Variants in DLG2 observed in about 807,000 individuals in gnomAD.
DLG2 encodes discs large MAGUK scaffold protein 2, also known as disks large homolog 2.
Under a neutral mutation model 132.5 loss-of-function variants are expected in DLG2, and 45 were observed. That is an observed-to-expected ratio of 0.34 (90% CI 0.27 to 0.44). The LOEUF (loss-of-function observed/expected upper bound fraction) is 0.44. Ranked by LOEUF, DLG2 falls within the 20% of genes least tolerant of loss-of-function variation. The pLI, the probability that DLG2 is intolerant of heterozygous loss-of-function variation, is 1.00. For missense variants in DLG2, 1,045 were observed against 1,196.9 expected (o/e 0.87, Z 1.87); for synonymous variants, 424 against 419.6 (o/e 1.01, Z -0.13).
intron 7 of DLG2, among the ~76,000 whole-genome samples, chr11:84,425,645 CAA>C (rs2098963958): frequency 6.6e-6 from 1 of 152,010 alleles, no homozygotes; most frequent in African/African-American, 2.4e-5. Flanking sequence ...GCTGAGATAA[CAA>C]GAGACAAAAT....
chr11:85,232,247 G>A (rs2075339744), intron 4 of DLG2, among the ~76,000 whole-genome samples: 1 of 151,746 alleles, frequency 6.6e-6, no homozygotes, highest in Non-Finnish European at 1.5e-5. Flanking sequence ...TTTTTTAGTT[G>A]CCTATGGCAT....
At chr11:84,062,276 ACCACGGTGAGG>A (rs2096603387) in intron 10 of DLG2, among the ~76,000 whole-genome samples, 1 of 152,162 alleles carries the variant, frequency 6.6e-6, no homozygotes, top group African/African-American at 2.4e-5. Flanking sequence ...CATCTGTGGG[ACCACGGTGAGG>A]CCACTTTATC....
intron 14 of DLG2, among the ~76,000 whole-genome samples, chr11:83,943,853 C>T (rs1037787762): frequency 6.6e-6 from 1 of 152,192 alleles, no homozygotes; most frequent in Non-Finnish European, 1.5e-5. Flanking sequence ...TGTTCTTCCA[C>T]CTATCTGTGT....
chr11:83,463,707 C>T (rs368653649), intron 26 of DLG2, among the ~76,000 whole-genome samples: 3 of 152,340 alleles, frequency 2.0e-5, no homozygotes, highest in East Asian at 3.9e-4. Context: ...GGGAACATGG[C>T]TTGAGCCCAC....
chr11:84,830,511 G>A (rs2078898082), intron 6 of DLG2, among the ~76,000 whole-genome samples: 1 of 151,496 alleles, frequency 6.6e-6, no homozygotes, highest in Non-Finnish European at 1.5e-5. Context: ...CAGCTGAGGA[G>A]TGAACTCTTG....
At chr11:83,672,191 TTTCTTC>T (rs1015190212) in intron 18 of DLG2, among the ~76,000 whole-genome samples, 19 of 152,190 alleles carry the variant, frequency 1.2e-4, no homozygotes, top group African/African-American at 4.6e-4. Context: ...TTTCTTTCTT[TTTCTTC>T]TTCTTTTTGA....
At chr11:84,261,963 G>A (rs1159949727) in intron 7 of DLG2, among the ~76,000 whole-genome samples, 1 of 152,078 alleles carries the variant, frequency 6.6e-6, no homozygotes, top group Non-Finnish European at 1.5e-5. Flanking sequence ...AGCCTGTCAT[G>A]CACTCCAGAC....
chr11:85,339,314 G>T (rs1401509961), intron 3 of DLG2, among the ~76,000 whole-genome samples: 1 of 152,084 alleles, frequency 6.6e-6, no homozygotes, highest in Admixed American at 6.6e-5. Context: ...ATGCTATAAT[G>T]AATAATTTTC....
intron 7 of DLG2, among the ~76,000 whole-genome samples, chr11:84,331,581 G>A (rs897370328): frequency 6.6e-6 from 1 of 151,286 alleles, no homozygotes; most frequent in Non-Finnish European, 1.5e-5. Flanking sequence ...CAGGGGAGGT[G>A]GGCAGTGGGA....
chr11:83,469,443 TCCA>T (rs879428574), intron 24 of DLG2, 70 bp from the exon 25 acceptor site: 8 of 1,110,746 alleles, frequency 7.2e-6, no homozygotes, highest in African/African-American at 1.6e-5. Context: ...ACCTATATTC[TCCA>T]CCACATCCTC....
At chr11:84,202,361 A>T (rs1422757370) in intron 8 of DLG2, among the ~76,000 whole-genome samples, 1 of 152,204 alleles carries the variant, frequency 6.6e-6, no homozygotes, top group Admixed American at 6.5e-5. Flanking sequence ...AAAATAAGCA[A>T]TGAGGAAAGG....
intron 6 of DLG2, among the ~76,000 whole-genome samples, chr11:84,858,027 G>A (rs1049031199): frequency 6.6e-6 from 1 of 151,744 alleles, no homozygotes. Context: ...TGAATAGCTG[G>A]GACCACAGGT....
At chr11:83,790,227 G>T (rs1245292129) in intron 17 of DLG2, 6 of 905,466 alleles carry the variant, frequency 6.6e-6, no homozygotes, top group Non-Finnish European at 1.1e-5. Flanking sequence ...ATGGATGTAT[G>T]CCCTTCCACA....
At chr11:83,670,431 C>T (rs1381730663) in intron 18 of DLG2, among the ~76,000 whole-genome samples, 1 of 151,758 alleles carries the variant, frequency 6.6e-6, no homozygotes, top group Non-Finnish European at 1.5e-5. Flanking sequence ...CTCAATACTT[C>T]TTGGTCACCA....
At chr11:85,178,768 T>G (rs760210721) in intron 4 of DLG2, among the ~76,000 whole-genome samples, 1 of 151,808 alleles carries the variant, frequency 6.6e-6, no homozygotes, top group Non-Finnish European at 1.5e-5. Flanking sequence ...ACTAAACATA[T>G]GCAGAAAAAT....
chr11:85,574,446 C>T (rs1195701842), intron 3 of DLG2, among the ~76,000 whole-genome samples: 1 of 151,900 alleles, frequency 6.6e-6, no homozygotes, highest in East Asian at 1.9e-4. Context: ...AAAAATGACT[C>T]CTCCTTGACT....
intron 11 of DLG2, among the ~76,000 whole-genome samples, chr11:84,024,515 T>A (rs1468318142): frequency 2.6e-5 from 4 of 152,096 alleles, no homozygotes; most frequent in African/African-American, 9.7e-5. Context: ...TAAGTGTCCA[T>A]TAAGAGATAA....
chr11:83,888,305 AACAG>A (rs967218815), intron 15 of DLG2, among the ~76,000 whole-genome samples: 24 of 152,142 alleles, frequency 1.6e-4, no homozygotes, highest in African/African-American at 5.8e-4. Context: ...ATACACAAAT[AACAG>A]ACAAACAGAG....
At chr11:85,460,133 T>C (rs2092558964) in intron 3 of DLG2, among the ~76,000 whole-genome samples, 1 of 152,194 alleles carries the variant, frequency 6.6e-6, no homozygotes, top group African/African-American at 2.4e-5. Flanking sequence ...GGCCTCATCC[T>C]GTGAAATGCA....
Sources: gnomAD v4.1 joint callset for allele counts (sites outside exome capture counted in the v4.1 genomes callset) on GRCh38, gnomAD v4.1.1 for gene constraint, MANE v1.5 for transcripts, NCBI Gene and HGNC (gene_info 2026-07-23, HGNC 2026-07-21) for gene names.